Variants in DMD observed in about 807,000 individuals in gnomAD.
The protein encoded by DMD is dystrophin.
DMD carries 63 observed loss-of-function variants against 330.1 expected under a neutral mutation model. The observed-to-expected ratio is 0.19, with a 90% CI of 0.16 to 0.24. The LOEUF (loss-of-function observed/expected upper bound fraction) is 0.24, where lower values mean the gene tolerates loss of function less well. Ranked by LOEUF, DMD falls within the 10% of genes least tolerant of loss-of-function variation. DMD has a pLI of 1.00. For synonymous variants in DMD, 1,223 were observed against 959.8 expected, an observed-to-expected ratio of 1.27 and a Z score of -5.07; for missense variants, 3,344 against 2,684.1, an observed-to-expected ratio of 1.25 and a Z score of -5.43.
chrX:31,387,153 T>C (rs940940461), intron 60 of DMD, among the ~76,000 whole-genome samples: 9 of 111,590 alleles, frequency 8.1e-5, no homozygotes, highest in Admixed American at 2.9e-4. Context: ...TCTTAGACTC[T>C]ATAGGAAGCT....
At chrX:32,734,458 C>A (rs1384957195) in intron 7 of DMD, among the ~76,000 whole-genome samples, 10 of 107,306 alleles carry the variant, frequency 9.3e-5, no homozygotes, top group African/African-American at 3.6e-4. Context: ...AGAGACACAA[C>A]CAAAAAAGAG....
chrX:32,673,014 A>C (rs1400844340), intron 9 of DMD, among the ~76,000 whole-genome samples: 4 of 111,358 alleles, frequency 3.6e-5, no homozygotes, highest in Non-Finnish European at 7.6e-5. Context: ...TACTGCTCCA[A>C]TGTGGATGTT....
At chrX:32,496,339 A>T (rs2043482086) in intron 19 of DMD, among the ~76,000 whole-genome samples, 1 of 112,004 alleles carries the variant, frequency 8.9e-6, no homozygotes, top group Non-Finnish European at 1.9e-5. Context: ...AAGTCCATTT[A>T]GCATTCAATG....
intron 44 of DMD, among the ~76,000 whole-genome samples, chrX:32,131,746 C>T (rs1170742017): frequency 7.1e-5 from 8 of 112,134 alleles, no homozygotes; most frequent in African/African-American, 2.6e-4. Flanking sequence ...ACATTCTCCT[C>T]TAGGTATTAC....
At position 33,190,465 on chromosome X, in the gene DMD, ATCTT is replaced by A. The variant is rs1281775674; in HGVS notation, c.31+20813_31+20816del. 2.1e-4 allele frequency among the ~76,000 whole-genome samples: 8 copies of A among 38,433 alleles called. 1 individual carries two copies. Among genetic ancestry groups the A allele is most frequent in the African/African-American group, 4.2e-4 (8 of 18,905 alleles). 33.4% of individuals were successfully genotyped at this position (38,433 alleles called of 115,157 possible). A position where few individuals can be genotyped will look rare whatever the true frequency, so the allele number is the denominator to read the frequency against. The stretch of plus-strand genomic sequence containing the variant: ...TGGCTGGACATTTGAAAAAATATTG[ATCTT>A]TCTTTCTTTTTTTTTTTTTTTTTTT... On this transcript the variant is annotated intron_variant, in intron 1 of 78. Transcript: ENST00000357033.
At chrX:32,936,173 G>A (rs908199073) in intron 2 of DMD, among the ~76,000 whole-genome samples, 2 of 108,396 alleles carry the variant, frequency 1.8e-5, no homozygotes, top group Non-Finnish European at 3.8e-5. Context: ...GTGCAATGGC[G>A]CCATCTCAGC....
At chrX:31,933,419 T>C (rs2094883819) in intron 45 of DMD, among the ~76,000 whole-genome samples, 1 of 112,608 alleles carries the variant, frequency 8.9e-6, no homozygotes, top group Admixed American at 9.4e-5. Context: ...AAAATGCATA[T>C]AACTCTATGC....
At chrX:31,993,839 AG>A (rs770439868) in intron 44 of DMD, among the ~76,000 whole-genome samples, 1 of 112,226 alleles carries the variant, frequency 8.9e-6, no homozygotes, top group African/African-American at 3.2e-5. Flanking sequence ...TTTAAACAAA[AG>A]TTATGTAAAT....
intron 60 of DMD, among the ~76,000 whole-genome samples, chrX:31,380,134 A>T (rs111238575): frequency 9.0e-6 from 1 of 110,733 alleles, no homozygotes; most frequent in African/African-American, 3.3e-5. Flanking sequence ...CCTTACCTCC[A>T]TAACTGTTGT....
intron 2 of DMD, among the ~76,000 whole-genome samples, chrX:33,010,204 G>GTGTATATATGTACATA (rs2093663572): frequency 6.7e-5 from 6 of 89,725 alleles, no homozygotes; most frequent in East Asian, 6.7e-4. Context: ...ATATGCATAT[G>GTGTATATATGTACATA]TGTGTGTATA....
At chrX:32,494,529 T>A (rs1260249098) in intron 19 of DMD, among the ~76,000 whole-genome samples, 3 of 111,325 alleles carry the variant, frequency 2.7e-5, no homozygotes, top group Non-Finnish European at 5.6e-5. Flanking sequence ...GATCTTGTTT[T>A]TCTCATCCAT....
At chrX:32,552,391 C>A (rs768433745) in intron 16 of DMD, among the ~76,000 whole-genome samples, 2 of 110,800 alleles carry the variant, frequency 1.8e-5, no homozygotes, top group East Asian at 2.9e-4. Context: ...ATTCATTGGA[C>A]CCCTTCCTTA....
At chrX:32,205,005 T>TCTCTCTCACACACACA (rs60181300) in intron 44 of DMD, among the ~76,000 whole-genome samples, 24 of 29,185 alleles carry the variant, frequency 8.2e-4, no homozygotes, top group Admixed American at 2.2e-3. Context: ...TCTCTCTCTC[T>TCTCTCTCACACACACA]CACATACACA....
At chrX:31,479,964 C>A (rs1158720796) in intron 57 of DMD, among the ~76,000 whole-genome samples, 1 of 111,744 alleles carries the variant, frequency 8.9e-6, no homozygotes, top group African/African-American at 3.2e-5. Flanking sequence ...TACTCTGACA[C>A]CATTGAAGAG....
chrX:32,896,036 GA>G (rs1240621750), intron 2 of DMD, among the ~76,000 whole-genome samples: 8 of 111,537 alleles, frequency 7.2e-5, no homozygotes, highest in Non-Finnish European at 1.3e-4. Flanking sequence ...TGACTTATAA[GA>G]AAAATTAAAT....
chrX:33,049,743 ATATATG>A (rs1323926257), intron 1 of DMD, among the ~76,000 whole-genome samples: 82 of 111,592 alleles, frequency 7.3e-4, no homozygotes, highest in African/African-American at 2.5e-3. Context: ...GAAAATTAAT[ATATATG>A]TATATTTGTA....
At chrX:32,142,469 G>T (rs2096758359) in intron 44 of DMD, among the ~76,000 whole-genome samples, 1 of 112,336 alleles carries the variant, frequency 8.9e-6, no homozygotes, top group African/African-American at 3.2e-5. Flanking sequence ...TCACAGAAAA[G>T]TCGAGAGCAT....
chrX:32,866,519 ACTG>A (rs1299128726), intron 2 of DMD, among the ~76,000 whole-genome samples: 1 of 111,072 alleles, frequency 9.0e-6, no homozygotes. Flanking sequence ...AAATTATTTT[ACTG>A]CTGAAATTGA....
intron 45 of DMD, among the ~76,000 whole-genome samples, chrX:31,940,262 G>C (rs1293513965): frequency 9.0e-6 from 1 of 111,589 alleles, no homozygotes; most frequent in Non-Finnish European, 1.9e-5. Flanking sequence ...GGAGACATTT[G>C]AGCAAAGTCC....
Sources: allele counts gnomAD v4.1 joint callset (sites outside exome capture counted in the v4.1 genomes callset), GRCh38; gene constraint gnomAD v4.1.1; transcripts MANE v1.5; gene names NCBI Gene and HGNC (gene_info 2026-07-23, HGNC 2026-07-21).